Variants in MICU2 observed in about 807,000 individuals in gnomAD.
The protein encoded by MICU2 is calcium uptake protein 2, mitochondrial.
A neutral mutation model predicts 60.4 loss-of-function variants in MICU2; 64 were observed. That is an observed-to-expected ratio of 1.06 (90% confidence interval 0.87 to 1.31). The LOEUF is 1.31. MICU2 is among the 50% of genes most tolerant of loss of function. The probability of loss-of-function intolerance (pLI) is 0.00; values close to 1 mark genes in which losing one functional copy is unlikely to be tolerated. For synonymous variants in MICU2, 201 were observed against 175.0 expected (o/e 1.15, Z -1.17); for missense variants, 569 against 531.0 (o/e 1.07, Z -0.70).
intron 1 of MICU2, among the ~76,000 whole-genome samples, chr13:21,593,546 C>G (rs1888629147): frequency 2.9e-5 from 4 of 139,848 alleles, no homozygotes; most frequent in Non-Finnish European, 6.1e-5. Context: ...CACAGAAGAC[C>G]CCATATTGCA....
At chr13:21,530,000 T>C (rs1288806685) in intron 4 of MICU2, among the ~76,000 whole-genome samples, 1 of 152,176 alleles carries the variant, frequency 6.6e-6, no homozygotes, top group East Asian at 1.9e-4. Context: ...AGCATTTGGA[T>C]GAATGGTGAG....
At chr13:21,527,068 T>C (rs1886876819) in intron 4 of MICU2, among the ~76,000 whole-genome samples, 1 of 152,196 alleles carries the variant, frequency 6.6e-6, no homozygotes, top group African/African-American at 2.4e-5. Flanking sequence ...TTACCAACTT[T>C]TTGTTGTTTC....
At chr13:21,510,593 TAATAA>T (rs1398853886) in intron 7 of MICU2, among the ~76,000 whole-genome samples, 2 of 151,962 alleles carry the variant, frequency 1.3e-5, no homozygotes, top group Non-Finnish European at 2.9e-5. Context: ...TTCAATTCTT[TAATAA>T]AATAACAAAA....
intron 2 of MICU2, among the ~76,000 whole-genome samples, chr13:21,550,647 A>T (rs896078379): frequency 2.6e-5 from 4 of 152,220 alleles, no homozygotes; most frequent in African/African-American, 9.6e-5. Context: ...ATATTTAAAA[A>T]TCTAAAATCA....
chr13:21,557,681 T>G (rs1335819171), intron 2 of MICU2, among the ~76,000 whole-genome samples: 1 of 152,208 alleles, frequency 6.6e-6, no homozygotes, highest in Non-Finnish European at 1.5e-5. Context: ...ATTTTGCTGT[T>G]CATAATGATC....
intron 1 of MICU2, among the ~76,000 whole-genome samples, chr13:21,578,165 G>A (rs1034665989): frequency 6.6e-6 from 1 of 152,168 alleles, no homozygotes; most frequent in Admixed American, 6.5e-5. Context: ...TTACTACATT[G>A]AAGTCCTCAA....
intron 2 of MICU2, among the ~76,000 whole-genome samples, chr13:21,561,390 C>G (rs114598657): frequency 0.016 from 2,487 of 152,206 alleles, 71 homozygotes; most frequent in African/African-American, 0.057. Context: ...TGACAGAAGG[C>G]TCTTGAAATC....
intron 6 of MICU2, among the ~76,000 whole-genome samples, chr13:21,514,621 C>T (rs556161410): frequency 6.6e-6 from 1 of 152,062 alleles, no homozygotes; most frequent in Non-Finnish European, 1.5e-5. Context: ...GCAAGTTTCG[C>T]CCCCAGGTTC....
intron 3 of MICU2, 120 bp from the exon 4 acceptor site, chr13:21,539,497 T>A: frequency 2.4e-6 from 3 of 1,266,812 alleles, no homozygotes; most frequent in Non-Finnish European, 3.4e-6. Context: ...GACACAGGGC[T>A]TCACTGTGTT....
At chr13:21,602,998 C>T (rs968843146) in intron 1 of MICU2, among the ~76,000 whole-genome samples, 153 of 147,418 alleles carry the variant, frequency 1.0e-3, no homozygotes, top group African/African-American at 3.7e-3. Context: ...GACGGAGTTT[C>T]GCTCTTGTAG....
chr13:21,549,223 C>T (rs748982719), intron 2 of MICU2, among the ~76,000 whole-genome samples: 1 of 152,078 alleles, frequency 6.6e-6, no homozygotes, highest in Non-Finnish European at 1.5e-5. Context: ...GCTAGCGTGC[C>T]CAGCTGACAA....
chr13:21,552,538 T>C (rs1449177031), intron 2 of MICU2, among the ~76,000 whole-genome samples: 1 of 152,232 alleles, frequency 6.6e-6, no homozygotes, highest in Non-Finnish European at 1.5e-5. Context: ...GCCTAGGTTT[T>C]CTTCTAGGGT....
intron 2 of MICU2, among the ~76,000 whole-genome samples, chr13:21,546,128 G>A (rs904491890): frequency 1.3e-5 from 2 of 152,120 alleles, no homozygotes; most frequent in Non-Finnish European, 2.9e-5. Context: ...TATATGGCTT[G>A]TTTATGTTTG....
At chr13:21,496,196 G>T in intron 9 of MICU2, 36 bp from the exon 10 acceptor site, 1 of 1,441,294 alleles carries the variant, frequency 6.9e-7, no homozygotes, top group Non-Finnish European at 9.7e-7. Flanking sequence ...AATTTTGTAA[G>T]TACATTAAAT....
In MICU2 at chr13:21,573,953, C is replaced by T. The variant is rs531348107; in HGVS notation, c.211-7009G>A. On this transcript the variant is annotated intron_variant, in intron 1 of 11. Coordinates refer to ENST00000382374, the MANE Select transcript of MICU2 (RefSeq NM_152726.3). The stretch of plus-strand genomic sequence containing the variant: ...ACACAACATTTCAGAAGGAGTGGAA[C>T]AAAAAATATTAATCTTAACCTTCAT... 2.1e-4 allele frequency among the ~76,000 whole-genome samples: 32 copies of T among 152,238 alleles called. 1 individual carries two copies. In the South Asian group the frequency reaches 3.9e-3, roughly 19 times the overall value.
In MICU2 at chr13:21,584,190, C is replaced by A. The variant is rs1170699293; in HGVS notation, c.211-17246G>T. On this transcript the variant is annotated intron_variant, in intron 1 of 11. Transcript: ENST00000382374. ...GGATCATGAGGTCAGGAGATCGAGA[C>A]CATCATGGCTAACAGGGTGAAACCC... Among the ~76,000 whole-genome samples, 5 of 151,844 alleles carry A rather than the reference C, an allele frequency of 3.3e-5. No individual in the cohort carries two copies. The East Asian group carries it at 9.7e-4, about 29-fold the overall frequency.
chr13:21,522,560 G>A (rs1271873702), intron 5 of MICU2, 43 bp downstream of exon 5: 4 of 1,493,702 alleles, frequency 2.7e-6, no homozygotes, highest in Non-Finnish European at 3.7e-6. Context: ...GGTAAGAACA[G>A]AGAATTCCAC....
intron 1 of MICU2, among the ~76,000 whole-genome samples, chr13:21,594,042 A>G (rs1888641269): frequency 1.3e-5 from 2 of 152,234 alleles, no homozygotes; most frequent in African/African-American, 4.8e-5. Context: ...GGATCTAATT[A>G]AAGTAAAGAG....
At chr13:21,567,745 C>T (rs898375858) in intron 1 of MICU2, among the ~76,000 whole-genome samples, 2 of 152,156 alleles carry the variant, frequency 1.3e-5, no homozygotes, top group East Asian at 1.9e-4. Context: ...ATGTATTAGG[C>T]ACTGTACTAA....
Sources: gnomAD v4.1 joint callset for allele counts (sites outside exome capture counted in the v4.1 genomes callset) on GRCh38, gnomAD v4.1.1 for gene constraint, MANE v1.5 for transcripts, NCBI Gene and HGNC (gene_info 2026-07-23, HGNC 2026-07-21) for gene names.